PEX1: variants seen among roughly 807,000 people sequenced by gnomAD.
The protein encoded by PEX1 is peroxisomal ATPase PEX1.
A neutral mutation model predicts 152.5 loss-of-function variants in PEX1; 97 were observed. The observed-to-expected ratio is 0.64, with a 90% CI of 0.54 to 0.75. PEX1 has a LOEUF of 0.75. PEX1 is among the 30% of genes least tolerant of loss of function. The pLI, the probability that PEX1 is intolerant of heterozygous loss-of-function variation, is 0.00. For missense variants in PEX1, 1,357 were observed against 1,516.3 expected (o/e 0.89, Z 1.74); for synonymous variants, 485 against 531.6 (o/e 0.91, Z 1.21).
intron 8 of PEX1, 107 bp from the exon 9 acceptor site, chr7:92,509,518 T>C: frequency 1.4e-6 from 1 of 738,168 alleles, no homozygotes; most frequent in South Asian, 1.5e-5. Context: ...CCAGAGAGAA[T>C]AAATTATGCA....
intron 16 of PEX1, among the ~76,000 whole-genome samples, chr7:92,497,688 CA>C (rs1791718659): frequency 6.6e-6 from 1 of 152,064 alleles, no homozygotes; most frequent in African/African-American, 2.4e-5. Flanking sequence ...AATATTCAAC[CA>C]CATAAATATC....
At chr7:92,487,605 G>A in intron 23 of PEX1, 64 bp from the exon 24 acceptor site, 2 of 704,962 alleles carry the variant, frequency 2.8e-6, no homozygotes, top group Non-Finnish European at 2.4e-6. Context: ...AAAGATAATG[G>A]ATTGTTGGCA....
chr7:92,508,290 C>T (rs1449749578), intron 9 of PEX1, among the ~76,000 whole-genome samples: 1 of 152,140 alleles, frequency 6.6e-6, no homozygotes, highest in Non-Finnish European at 1.5e-5. Flanking sequence ...GTGGTTCACG[C>T]CTGTAATCCC....
intron 8 of PEX1, 146 bp from the exon 9 acceptor site, chr7:92,509,557 C>A (rs1444963943): frequency 6.1e-6 from 4 of 651,842 alleles, no homozygotes; most frequent in Non-Finnish European, 1.1e-5. Flanking sequence ...ACACCCTTGA[C>A]AATAACAATG....
intron 20 of PEX1, 62 bp downstream of exon 20, chr7:92,492,891 T>C (rs544252650): frequency 7.7e-7 from 1 of 1,300,784 alleles, no homozygotes; most frequent in African/African-American, 1.5e-5. Flanking sequence ...AGGTGGAAAT[T>C]TTGACATTGT....
intron 19 of PEX1, 43 bp from the exon 20 acceptor site, chr7:92,493,172 A>G: frequency 9.2e-7 from 1 of 1,084,196 alleles, no homozygotes. Flanking sequence ...AAATAAAATT[A>G]AAAATATTAT....
intron 11 of PEX1, 98 bp from the exon 12 acceptor site, chr7:92,505,000 T>A: frequency 1.2e-6 from 1 of 866,818 alleles, no homozygotes; most frequent in Non-Finnish European, 1.9e-6. Flanking sequence ...GATATTGATT[T>A]AACTATAAAA....
chr7:92,496,590 TTAA>T lies in PEX1; in HGVS notation c.2783+120_2783+122del, dbSNP rs1791664164. The T allele has an allele frequency of 3.9e-6, 3 of 760,648 alleles. No homozygotes were observed. The Admixed American group carries it at 5.4e-5, about 14-fold the overall frequency. 47.1% of individuals were successfully genotyped at this position (760,648 alleles called of 1,614,324 possible). A position where few individuals can be genotyped will look rare whatever the true frequency, so the allele number is the denominator to read the frequency against. ...TAGAGAATCCACGTCCTCTAGCTTA[TTAA>T]TAATTCACATAAACCACAGGTTTCA... On this transcript the variant is annotated intron_variant, in intron 17 of 23. Transcript: ENST00000248633.
intron 1 of PEX1, among the ~76,000 whole-genome samples, chr7:92,527,311 A>C (rs932978161): frequency 2.6e-5 from 4 of 152,224 alleles, no homozygotes; most frequent in African/African-American, 4.8e-5. Context: ...AAGCTGACAG[A>C]GCACTGAACC....
chr7:92,518,937 T>A lies in PEX1; in HGVS notation c.357+58A>T, dbSNP rs190994283. On this transcript the variant is annotated intron_variant, in intron 3 of 23. Coordinates refer to ENST00000248633, the MANE Select transcript of PEX1 (RefSeq NM_000466.3). ...TAAAGCTTAGAGAAAGCTAAAGACA[T>A]TGATATTGTGAAGTAATTTAACCTT... 387 of 1,157,706 alleles carry A rather than the reference T, an allele frequency of 3.3e-4. 2 individuals carry two copies. The East Asian group carries it at 8.8e-3, about 26-fold the overall frequency. 71.7% of individuals were successfully genotyped at this position (1,157,706 alleles called of 1,614,324 possible). A position where few individuals can be genotyped will look rare whatever the true frequency, so the allele number is the denominator to read the frequency against.
rs1790978984 is a variant in PEX1, at chr7:92,487,408, G to T, written c.*49C>A. 4.2e-6 allele frequency: 4 copies of T among 958,806 alleles called. No individual in the cohort carries two copies. The highest frequency in any genetic ancestry group is 6.6e-6 in the Non-Finnish European group (4 of 603,594). The allele number at this position is 958,806 out of a possible 1,614,324, so 59.4% of individuals were successfully genotyped here. A position where few individuals can be genotyped will look rare whatever the true frequency, so the allele number is the denominator to read the frequency against. On this transcript the variant is annotated 3_prime_UTR_variant, in exon 24 of 24. Transcript: ENST00000248633. ...CATTTTTTTCCTGTTACAACATATG[G>T]AAAAGCCATCAAAAAACTTAACAGA...
intron 14 of PEX1, 23 bp from the exon 15 acceptor site, chr7:92,501,696 T>A (rs1273681010): frequency 3.2e-6 from 5 of 1,585,988 alleles, no homozygotes; most frequent in Non-Finnish European, 4.3e-6. Context: ...AAACAAAACT[T>A]CTTTTACTAG....
Position 92,528,422 on chromosome 7 carries a change from T to C in PEX1, c.14A>G (p.Asp5Gly), listed in dbSNP as rs764904432. 6.3e-7 allele frequency: 1 copy of C among 1,594,990 alleles called. No homozygotes were observed. Among genetic ancestry groups the C allele is most frequent in the Non-Finnish European group, 8.5e-7 (1 of 1,172,448 alleles). Residue 5 changes from aspartate to glycine, a missense_variant, in exon 1 of 24, where the codon GAT becomes GGT. Coordinates refer to ENST00000248633, the MANE Select transcript of PEX1 (RefSeq NM_000466.3). ...GCCTCCCCCAGCACCCGCCAGGCGATCGCTGCCCCACATCGTCCCGGAGCG... is the reference window on the plus strand; with the variant it reads ...GCCTCCCCCAGCACCCGCCAGGCGACCGCTGCCCCACATCGTCCCGGAGCG... MWGS[D>G]RLAGAGGGGA...
intron 20 of PEX1, among the ~76,000 whole-genome samples, chr7:92,491,869 A>G (rs1186514073): frequency 6.6e-6 from 1 of 152,178 alleles, no homozygotes; most frequent in Non-Finnish European, 1.5e-5. Flanking sequence ...CTCTACAAAT[A>G]CACACCTTTC....
chr7:92,491,180 T>C (rs1585213998), intron 21 of PEX1, 92 bp downstream of exon 21: 2 of 849,872 alleles, frequency 2.4e-6, no homozygotes, highest in East Asian at 5.0e-5. Context: ...AGGAAGAATA[T>C]GTGGGGCTGG....
intron 6 of PEX1, among the ~76,000 whole-genome samples, 166 bp downstream of exon 6, chr7:92,513,682 T>C (rs534324177): frequency 6.6e-6 from 1 of 152,258 alleles, no homozygotes; most frequent in Non-Finnish European, 1.5e-5. Context: ...AATTATACAC[T>C]TAAAAATGGC....
intron 19 of PEX1, 27 bp downstream of exon 19, chr7:92,494,264 GTT>G: frequency 1.3e-6 from 2 of 1,511,886 alleles, no homozygotes; most frequent in Non-Finnish European, 1.8e-6. Flanking sequence ...CATTTGTTGG[GTT>G]TTGGACTCTA....
chr7:92,525,320 T>A (rs532773825), intron 1 of PEX1, among the ~76,000 whole-genome samples: 41 of 152,266 alleles, frequency 2.7e-4, no homozygotes, highest in African/African-American at 9.6e-4. Flanking sequence ...AAACCATACA[T>A]CAGAATGCCT....
At chr7:92,493,313 A>T (rs1001245402) in intron 19 of PEX1, 184 bp from the exon 20 acceptor site, 1 of 425,084 alleles carries the variant, frequency 2.4e-6, no homozygotes, top group African/African-American at 2.1e-5. Flanking sequence ...CAACAGAAAT[A>T]ATATATATAG....
Sources: allele counts gnomAD v4.1 joint callset (sites outside exome capture counted in the v4.1 genomes callset), GRCh38; gene constraint gnomAD v4.1.1; transcripts MANE v1.5; gene names NCBI Gene and HGNC (gene_info 2026-07-23, HGNC 2026-07-21).